Variants in SPATA9 observed in about 807,000 individuals in gnomAD.
The protein encoded by SPATA9 is spermatogenesis-associated protein 9.
In SPATA9, 27 loss-of-function variants were observed where a neutral mutation model predicts 25.5. That is an observed-to-expected ratio of 1.06 (90% CI 0.78 to 1.46). The LOEUF is 1.46. SPATA9 is among the 40% of genes most tolerant of loss of function. The pLI is 0.00. For synonymous variants in SPATA9, 102 were observed against 105.7 expected (o/e 0.97, Z 0.21); for missense variants, 282 against 297.5 (o/e 0.95, Z 0.38).
chr5:95,699,333 G>C (rs1580360960), upstream of SPATA9, among the ~76,000 whole-genome samples: 1 of 152,124 alleles, frequency 6.6e-6, no homozygotes, highest in Admixed American at 6.5e-5. Context: ...AAGAGTAAAT[G>C]AGATAATATA....
chr5:95,690,613 T>C (rs543055574), intron 1 of SPATA9, among the ~76,000 whole-genome samples: 1 of 152,292 alleles, frequency 6.6e-6, no homozygotes, highest in African/African-American at 2.4e-5. Flanking sequence ...GTGGTCAATA[T>C]TGACATCACT....
chr5:95,687,371 T>A (rs1361054053), upstream of SPATA9, among the ~76,000 whole-genome samples: 1 of 152,212 alleles, frequency 6.6e-6, no homozygotes, highest in Non-Finnish European at 1.5e-5. Context: ...ACCTTCTCAT[T>A]CTAATAAGAA....
intron 3 of SPATA9, chr5:95,670,859 G>A (rs985327291): frequency 2.0e-6 from 2 of 985,272 alleles, no homozygotes; most frequent in African/African-American, 1.7e-5. Context: ...TGTCCTCATA[G>A]TCAGTTCTGT....
chr5:95,731,297 C>G, the SPATA9 span: 1 of 1,040,512 alleles, frequency 9.6e-7, no homozygotes, highest in East Asian at 8.3e-5. Context: ...TCCCCGACCC[C>G]CCTTCTCTGC....
chr5:95,692,703 G>C (rs978101947), intron 1 of SPATA9, among the ~76,000 whole-genome samples: 3 of 151,802 alleles, frequency 2.0e-5, no homozygotes, highest in African/African-American at 7.3e-5. Flanking sequence ...TTGCTCCAAG[G>C]ACTATCTTAA....
the SPATA9 span, among the ~76,000 whole-genome samples, chr5:95,709,519 C>T: frequency 2.6e-5 from 4 of 152,130 alleles, no homozygotes; most frequent in Non-Finnish European, 4.4e-5. Flanking sequence ...TCAATAGGCA[C>T]AATGGAACTT....
the SPATA9 span, among the ~76,000 whole-genome samples, chr5:95,728,324 A>G: frequency 3.3e-5 from 5 of 152,196 alleles, no homozygotes; most frequent in African/African-American, 1.2e-4. Context: ...TGTTCCTAAG[A>G]CAAGCCATGA....
At chr5:95,723,898 T>A in the SPATA9 span, among the ~76,000 whole-genome samples, 1 of 152,198 alleles carries the variant, frequency 6.6e-6, no homozygotes, top group Admixed American at 6.5e-5. Flanking sequence ...GGAAAAAATG[T>A]GAGCACACTC....
At chr5:95,698,542 T>C (rs772660681) in intron 1 of SPATA9, 3 of 152,218 alleles carry the variant, frequency 2.0e-5, no homozygotes, top group Non-Finnish European at 4.4e-5. Context: ...AGGGCACCAA[T>C]GTCAGTCATA....
intron 3 of SPATA9, chr5:95,670,727 A>T (rs1486829264): frequency 2.4e-6 from 1 of 422,860 alleles, no homozygotes; most frequent in Admixed American, 6.4e-5. Flanking sequence ...GCGGCTTCTC[A>T]TACTACTGTA....
In SPATA9 at chr5:95,681,001, C is replaced by A. The variant is rs546622162; in HGVS notation, c.150+1527G>T. On this transcript the variant is annotated intron_variant, in intron 2 of 4. Coordinates refer to ENST00000274432, the MANE Select transcript of SPATA9 (RefSeq NM_031952.4). Reference sequence around the variant, plus strand: ...CAGTTTCAAAGTATGCTAAATATCTCTTGTGCTCAACCCATTCTATTTCCA... The same window carrying A: ...CAGTTTCAAAGTATGCTAAATATCTATTGTGCTCAACCCATTCTATTTCCA... Among the ~76,000 whole-genome samples, 6 of 152,348 alleles carry A rather than the reference C, an allele frequency of 3.9e-5. No homozygotes were observed. In the South Asian group the frequency reaches 1.2e-3, roughly 32 times the overall value.
chr5:95,705,471 A>C, the SPATA9 span, among the ~76,000 whole-genome samples: 1 of 152,238 alleles, frequency 6.6e-6, no homozygotes, highest in East Asian at 1.9e-4. Flanking sequence ...TTAATGGTTT[A>C]ATCACAACAA....
At chr5:95,720,842 T>C in the SPATA9 span, among the ~76,000 whole-genome samples, 1 of 152,366 alleles carries the variant, frequency 6.6e-6, no homozygotes, top group East Asian at 1.9e-4. Flanking sequence ...ATTATTCTTT[T>C]GTTTCTGTTC....
At chr5:95,710,025 A>G in the SPATA9 span, among the ~76,000 whole-genome samples, 1 of 152,146 alleles carries the variant, frequency 6.6e-6, no homozygotes, top group African/African-American at 2.4e-5. Flanking sequence ...GTAAACGTTA[A>G]TACGTTTATC....
the SPATA9 span, among the ~76,000 whole-genome samples, chr5:95,709,120 C>G: frequency 2.0e-5 from 3 of 152,038 alleles, no homozygotes; most frequent in African/African-American, 7.2e-5. Context: ...GGAGTGAGTC[C>G]TTCTCTCTGG....
chr5:95,658,793 A>G lies in SPATA9; in HGVS notation c.595T>C (p.Ser199Pro), dbSNP rs2112539772. 1 of 1,613,952 alleles carries G rather than the reference A, an allele frequency of 6.2e-7. No homozygotes were observed. Among genetic ancestry groups the G allele is most frequent in the South Asian group, 1.1e-5 (1 of 91,056 alleles). ...CRKAFSEPVL[S>P]EPMFAEGEIK... is the part of the protein sequence containing the mutation. Reference sequence around the variant, plus strand: ...TCACCTTCAGCAAACATAGGCTCCGAAAGCACAGGCTCAGAAAAGGCTTTT... The same window carrying G: ...TCACCTTCAGCAAACATAGGCTCCGGAAGCACAGGCTCAGAAAAGGCTTTT... The change falls in exon 5 of 5, where the codon TCG becomes CCG. Residue 199 changes from serine (S) to proline (P), a missense_variant. By Grantham distance (74) the Ser-to-Pro change is moderately conservative. Coordinates refer to ENST00000274432, the MANE Select transcript of SPATA9 (RefSeq NM_031952.4).
At chr5:95,730,996 C>T in the SPATA9 span, 9,969 of 619,376 alleles carry the variant, frequency 0.016, 96 homozygotes, top group Middle Eastern at 0.032. Flanking sequence ...TTTTTCCAGT[C>T]CGGAGTGAGC....
intron 1 of SPATA9, among the ~76,000 whole-genome samples, chr5:95,688,227 G>T (rs1396421164): frequency 6.6e-6 from 1 of 152,108 alleles, no homozygotes; most frequent in East Asian, 1.9e-4. Context: ...ATACTATTCA[G>T]CCATAAAAAA....
chr5:95,683,376 C>A (rs1221663534), upstream of SPATA9, among the ~76,000 whole-genome samples: 1 of 152,158 alleles, frequency 6.6e-6, no homozygotes, highest in Non-Finnish European at 1.5e-5. Flanking sequence ...ACTGTAAAGT[C>A]TTTGGTTTCT....
Sources: gnomAD v4.1 joint callset for allele counts (sites outside exome capture counted in the v4.1 genomes callset) on GRCh38, gnomAD v4.1.1 for gene constraint, MANE v1.5 for transcripts, NCBI Gene and HGNC (gene_info 2026-07-23, HGNC 2026-07-21) for gene names.